PPFIA2: variants seen among roughly 807,000 people sequenced by gnomAD.
PPFIA2 encodes the protein liprin-alpha-2.
PPFIA2 carries 46 observed loss-of-function variants against 175.5 expected under a neutral mutation model. The observed-to-expected ratio is 0.26, with a 90% CI of 0.21 to 0.34. The LOEUF (loss-of-function observed/expected upper bound fraction) is 0.34, where lower values mean the gene tolerates loss of function less well. PPFIA2 is among the 10% of genes least tolerant of loss of function. The probability of loss-of-function intolerance (pLI) is 1.00; values close to 1 mark genes in which losing one functional copy is unlikely to be tolerated. For synonymous variants in PPFIA2, 568 were observed against 511.4 expected, an observed-to-expected ratio of 1.11 and a Z score of -1.49; for missense variants, 1,179 against 1,506.1, an observed-to-expected ratio of 0.78 and a Z score of 3.60.
At chr12:81,642,317 G>A (rs893952521) in intron 4 of PPFIA2, among the ~76,000 whole-genome samples, 1 of 151,840 alleles carries the variant, frequency 6.6e-6, no homozygotes, top group African/African-American at 2.4e-5. Flanking sequence ...TCTATGCAGA[G>A]TTATGTAAGA....
intron 3 of PPFIA2, among the ~76,000 whole-genome samples, chr12:81,736,310 A>G (rs2081568290): frequency 6.6e-6 from 1 of 151,932 alleles, no homozygotes; most frequent in South Asian, 2.1e-4. Flanking sequence ...TTTAGATGCT[A>G]TTATAGATGG....
intron 24 of PPFIA2, among the ~76,000 whole-genome samples, chr12:81,287,020 C>A (rs1037645479): frequency 4.6e-5 from 7 of 151,828 alleles, no homozygotes; most frequent in African/African-American, 1.7e-4. Flanking sequence ...TTTTTATTGA[C>A]TTTAGGAGGA....
intron 4 of PPFIA2, among the ~76,000 whole-genome samples, chr12:81,484,899 T>A (rs927574293): frequency 2.0e-5 from 3 of 151,836 alleles, no homozygotes; most frequent in Non-Finnish European, 4.4e-5. Flanking sequence ...TTTCTTTGAA[T>A]CAGTAATTCA....
chr12:81,691,575 G>C (rs1156820652), intron 3 of PPFIA2, among the ~76,000 whole-genome samples: 1 of 152,080 alleles, frequency 6.6e-6, no homozygotes. Context: ...AATACTAAGT[G>C]AATCATTTCA....
intron 7 of PPFIA2, among the ~76,000 whole-genome samples, chr12:81,425,405 C>T (rs758260336): frequency 5.9e-5 from 9 of 152,116 alleles, no homozygotes; most frequent in Non-Finnish European, 1.0e-4. Context: ...AATGCAGTGG[C>T]GCAATCTTGG....
At chr12:81,439,276 AAT>A (rs375655616) in intron 7 of PPFIA2, among the ~76,000 whole-genome samples, 16 of 147,920 alleles carry the variant, frequency 1.1e-4, no homozygotes, top group South Asian at 4.2e-4. Flanking sequence ...TTCAGGGATA[AAT>A]ATATATATAT....
chr12:81,565,792 T>C (rs138940857), intron 4 of PPFIA2, among the ~76,000 whole-genome samples: 15 of 152,336 alleles, frequency 9.8e-5, no homozygotes, highest in Non-Finnish European at 2.1e-4. Flanking sequence ...ACAGCTTTCA[T>C]ATCTTATAAA....
chr12:81,511,303 G>A (rs1184329966), intron 4 of PPFIA2, among the ~76,000 whole-genome samples: 1 of 152,062 alleles, frequency 6.6e-6, no homozygotes, highest in Non-Finnish European at 1.5e-5. Context: ...CAGACACTTT[G>A]TGATGGGTGT....
chr12:81,688,688 C>T (rs1427606463), intron 3 of PPFIA2, among the ~76,000 whole-genome samples: 1 of 150,544 alleles, frequency 6.6e-6, no homozygotes, highest in East Asian at 1.9e-4. Flanking sequence ...CTGTTAATAA[C>T]TGCAGTTCCT....
intron 9 of PPFIA2, among the ~76,000 whole-genome samples, chr12:81,381,331 T>A (rs570038147): frequency 3.3e-5 from 5 of 152,242 alleles, no homozygotes; most frequent in Admixed American, 3.3e-4. Flanking sequence ...CCTGGCATCA[T>A]AGGAGTGACA....
In PPFIA2 at chr12:81,639,292, G is replaced by C. The variant is rs2064600254; in HGVS notation, c.303+37499C>G. On this transcript the variant is annotated intron_variant, in intron 4 of 32. Coordinates refer to ENST00000549396, the MANE Select transcript of PPFIA2 (RefSeq NM_003625.5). ...GCTTTTTTTTCTTTTAAAACATGTTGCTCTAGATCAAATTTCCAAATACCA... is the reference window on the plus strand; with the variant it reads ...GCTTTTTTTTCTTTTAAAACATGTTCCTCTAGATCAAATTTCCAAATACCA... 2.0e-5 allele frequency among the ~76,000 whole-genome samples: 3 copies of C among 151,748 alleles called. No individual in the cohort carries two copies. The South Asian group carries it at 6.2e-4, about 32-fold the overall frequency.
intron 7 of PPFIA2, among the ~76,000 whole-genome samples, chr12:81,416,479 T>C (rs998254357): frequency 1.3e-5 from 2 of 151,544 alleles, no homozygotes; most frequent in African/African-American, 4.8e-5. Context: ...ATAAAGAAAA[T>C]ATGGTAAAAT....
In PPFIA2 at chr12:81,571,549, T is replaced by C. The variant is rs188985528; in HGVS notation, c.303+105242A>G. 4.4e-3 allele frequency among the ~76,000 whole-genome samples: 677 copies of C among 152,220 alleles called. 19 individuals carry two copies. Among genetic ancestry groups the C allele is most frequent in the Admixed American group, 0.04 (605 of 15,268 alleles). On this transcript the variant is annotated intron_variant, in intron 4 of 32. Transcript: ENST00000549396. The stretch of plus-strand genomic sequence containing the variant: ...TGCCATCTTAAGCAAGTTACTCATC[T>C]GGAAGTAGTTTAACAAGCAAATAAC...
At chr12:81,696,156 G>A (rs949128777) in intron 3 of PPFIA2, among the ~76,000 whole-genome samples, 15 of 152,064 alleles carry the variant, frequency 9.9e-5, no homozygotes, top group Admixed American at 6.6e-4. Context: ...TAAAACTTAC[G>A]TAACAATAGT....
At chr12:81,262,815 A>T (rs1235170552) in intron 31 of PPFIA2, among the ~76,000 whole-genome samples, 1 of 152,174 alleles carries the variant, frequency 6.6e-6, no homozygotes, top group Non-Finnish European at 1.5e-5. Context: ...AATTTCTAAG[A>T]TGACATATAA....
chr12:81,381,981 A>C (rs2037818515), intron 9 of PPFIA2, among the ~76,000 whole-genome samples: 1 of 152,076 alleles, frequency 6.6e-6, no homozygotes. Context: ...ACAAGAAAAA[A>C]ACCCTAGCTC....
At chr12:81,464,884 G>GAAA (rs11422177) in intron 4 of PPFIA2, among the ~76,000 whole-genome samples, 2,034 of 145,560 alleles carry the variant, frequency 0.014, 50 homozygotes, top group African/African-American at 0.046. Flanking sequence ...AATAGAGCTG[G>GAAA]AAAAAAAAAA....
chr12:81,552,757 A>T (rs191162453), intron 4 of PPFIA2, among the ~76,000 whole-genome samples: 1 of 152,226 alleles, frequency 6.6e-6, no homozygotes, highest in East Asian at 1.9e-4. Context: ...GTGAAAAAGT[A>T]GTTTCCTATT....
chr12:81,573,291 A>G (rs1308099351), intron 4 of PPFIA2, among the ~76,000 whole-genome samples: 1 of 151,942 alleles, frequency 6.6e-6, no homozygotes. Flanking sequence ...TTTTAAATTA[A>G]TGATACCCTA....
Sources: allele counts gnomAD v4.1 joint callset (sites outside exome capture counted in the v4.1 genomes callset), GRCh38; gene constraint gnomAD v4.1.1; transcripts MANE v1.5; gene names NCBI Gene and HGNC (gene_info 2026-07-23, HGNC 2026-07-21).